The following APCDD1L variants were observed in gnomAD, a reference collection of about 807,000 sequenced individuals.
APCDD1L encodes protein APCDD1-like.
APCDD1L carries 21 observed loss-of-function variants against 24.2 expected under a neutral mutation model. The observed-to-expected ratio is 0.87, with a 90% CI of 0.61 to 1.25. The LOEUF is 1.25. Ranked by LOEUF, APCDD1L falls within the 50% of genes most tolerant of loss-of-function variation. The probability of loss-of-function intolerance (pLI) is 0.00; values close to 1 mark genes in which losing one functional copy is unlikely to be tolerated. For synonymous variants in APCDD1L, 321 were observed against 323.6 expected, an observed-to-expected ratio of 0.99 and a Z score of 0.09; for missense variants, 704 against 711.7, an observed-to-expected ratio of 0.99 and a Z score of 0.12.
intron 1 of APCDD1L, among the ~76,000 whole-genome samples, chr20:58,489,697 A>G (rs1990188683): frequency 6.6e-6 from 1 of 152,042 alleles, no homozygotes; most frequent in Non-Finnish European, 1.5e-5. Context: ...AAAAAAAAAA[A>G]AAGAAAAGAA....
chr20:58,467,255 G>A lies in APCDD1L; in HGVS notation c.592C>T (p.Leu198=). ...ALGLTMHELS[L]VRVQRRLQPQ... ...TGCAGGCGGCGCTGCACGCGGACCA[G>A]GCTGAGCTCGTGCATGGTGAGGCCC... The change falls in exon 3 of 4, where the codon CTG becomes TTG. Residue 198 remains leucine, a synonymous_variant. Coordinates refer to ENST00000371149, the MANE Select transcript of APCDD1L (RefSeq NM_153360.3). The surrounding 1 kb of genome is among the most constrained non-coding windows in gnomAD (Gnocchi z 5.9). 1 of 1,582,458 alleles carries A rather than the reference G, an allele frequency of 6.3e-7. No individual in the cohort carries two copies. Among genetic ancestry groups the A allele is most frequent in the Non-Finnish European group, 8.5e-7 (1 of 1,170,396 alleles).
intron 1 of APCDD1L, among the ~76,000 whole-genome samples, chr20:58,486,857 T>TTTTTG (rs1990126780): frequency 3.5e-5 from 4 of 114,798 alleles, no homozygotes; most frequent in Admixed American, 3.5e-4. Flanking sequence ...AGGGAAGGTT[T>TTTTTG]TTTTTTTTTT....
At chr20:58,512,550 T>A (rs2123201073) in intron 1 of APCDD1L, among the ~76,000 whole-genome samples, 1 of 152,028 alleles carries the variant, frequency 6.6e-6, no homozygotes, top group East Asian at 1.9e-4. Flanking sequence ...AGCGGCGAGG[T>A]TAAGAACCCC....
At chr20:58,463,143 C>CAA (rs398036014) in intron 3 of APCDD1L, among the ~76,000 whole-genome samples, 25,780 of 92,862 alleles carry the variant, frequency 0.28, 4,262 homozygotes, top group South Asian at 0.41. Flanking sequence ...CTCCATCTCA[C>CAA]AAAAAAAAAA....
intron 1 of APCDD1L, among the ~76,000 whole-genome samples, chr20:58,481,049 C>T (rs1044405656): frequency 6.6e-6 from 1 of 152,354 alleles, no homozygotes; most frequent in East Asian, 1.9e-4. Context: ...CCAATGCTGT[C>T]CACTGATGCC....
At chr20:58,479,900 A>G (rs1312306682) in intron 1 of APCDD1L, among the ~76,000 whole-genome samples, 1 of 152,234 alleles carries the variant, frequency 6.6e-6, no homozygotes, top group Non-Finnish European at 1.5e-5. Context: ...GTACTTTCCA[A>G]TGAAGTCACT....
At chr20:58,498,684 C>G (rs1990372295) in intron 1 of APCDD1L, among the ~76,000 whole-genome samples, 1 of 152,214 alleles carries the variant, frequency 6.6e-6, no homozygotes, top group Admixed American at 6.5e-5. Flanking sequence ...GCCACACCTC[C>G]CAGCCTGATA....
chr20:58,513,943 C>T (rs2123203569), intron 1 of APCDD1L: 2 of 1,300,836 alleles, frequency 1.5e-6, no homozygotes, highest in East Asian at 5.6e-5. Flanking sequence ...GCTGGGCACA[C>T]TTCAACTGTG....
At chr20:58,513,815 A>G in intron 1 of APCDD1L, 1 of 1,153,476 alleles carries the variant, frequency 8.7e-7, no homozygotes. Context: ...GGCCATGCTT[A>G]CCCAAAGCCA....
rs193266157 is a variant in APCDD1L, at chr20:58,508,269, G to C, written c.49+6390C>G. Among the ~76,000 whole-genome samples the C allele has an allele frequency of 6.6e-6, 1 of 152,220 alleles. No individual in the cohort carries two copies. Among genetic ancestry groups the C allele is most frequent in the African/African-American group, 2.4e-5 (1 of 41,442 alleles). On this transcript the variant is annotated intron_variant, in intron 1 of 3. Coordinates refer to ENST00000371149, the MANE Select transcript of APCDD1L (RefSeq NM_153360.3). This position sits in a 1 kb window ranked among gnomAD's most constrained non-coding sequence, Gnocchi z 4.0. ...GTGGGCTCTGAGTGACTGCTTCATG[G>C]TGGTGCTTCCAGCCCAGCAGCCACT...
At chr20:58,512,393 T>C (rs1265406066) in intron 1 of APCDD1L, among the ~76,000 whole-genome samples, 3 of 152,230 alleles carry the variant, frequency 2.0e-5, no homozygotes, top group Non-Finnish European at 2.9e-5. Flanking sequence ...CATGTGGTCA[T>C]ATCTGGAGAC....
intron 1 of APCDD1L, among the ~76,000 whole-genome samples, chr20:58,506,805 AGT>A (rs1990534866): frequency 2.6e-5 from 4 of 152,136 alleles, no homozygotes; most frequent in African/African-American, 9.7e-5. Flanking sequence ...GATGCCTCAG[AGT>A]GTGTGTGTCT....
intron 1 of APCDD1L, among the ~76,000 whole-genome samples, chr20:58,510,657 C>G (rs1358816696): frequency 6.6e-6 from 1 of 152,116 alleles, no homozygotes; most frequent in Non-Finnish European, 1.5e-5. Flanking sequence ...GCAAGCTCAC[C>G]CTACTCCAGC....
Position 58,460,628 on chromosome 20 carries a change from G to A in APCDD1L, c.*162C>T. 1 of 949,392 alleles carries A rather than the reference G, an allele frequency of 1.1e-6. No homozygotes were observed. The highest frequency in any genetic ancestry group is 1.5e-6 in the Non-Finnish European group (1 of 681,922). 58.8% of individuals were successfully genotyped at this position (949,392 alleles called of 1,614,324 possible). On this transcript the variant is annotated 3_prime_UTR_variant, in exon 4 of 4. Coordinates refer to ENST00000371149, the MANE Select transcript of APCDD1L (RefSeq NM_153360.3). The surrounding 1 kb of genome is among the most constrained non-coding windows in gnomAD (Gnocchi z 4.2). ...TAGGCTTTGCAGGGGTTAAGCTCAT[G>A]TCCTGAGCCACATGGGACACAGGCA...
rs1989586658 is a variant in APCDD1L, at chr20:58,461,024, G to A, written c.1272C>T (p.Ser424=). The A allele has an allele frequency of 6.2e-7, 1 of 1,614,000 alleles. No individual in the cohort carries two copies. The highest frequency in any genetic ancestry group is 1.3e-5 in the African/African-American group (1 of 74,896). Reference sequence around the variant, plus strand: ...TGGGCCTTTGTCCGATGAAGAGCAGGCTTTGCCCGAGGGGGTCTTGTTCCA... The same window carrying A: ...TGGGCCTTTGTCCGATGAAGAGCAGACTTTGCCCGAGGGGGTCTTGTTCCA... The part of the protein sequence containing the change: ...FKMEQDPLGQ[S]LLFIGQRPTD... The change falls in exon 4 of 4, where the codon AGC becomes AGT. Residue 424 remains serine (S), a synonymous_variant. Transcript: ENST00000371149. This position sits in a 1 kb window ranked among gnomAD's most constrained non-coding sequence, Gnocchi z 6.0.
chr20:58,487,456 G>A (rs1254239360), intron 1 of APCDD1L, among the ~76,000 whole-genome samples: 1 of 149,346 alleles, frequency 6.7e-6, no homozygotes, highest in East Asian at 1.9e-4. Flanking sequence ...AAAAAGTATA[G>A]TTTGTGGGAA....
At chr20:58,474,043 G>A (rs111855341) in intron 1 of APCDD1L, among the ~76,000 whole-genome samples, 2 of 152,316 alleles carry the variant, frequency 1.3e-5, no homozygotes, top group East Asian at 1.9e-4. Flanking sequence ...TCCGGGGAAA[G>A]GACACTCACT....
chr20:58,510,577 C>T (rs1347843648), intron 1 of APCDD1L, among the ~76,000 whole-genome samples: 1 of 152,134 alleles, frequency 6.6e-6, no homozygotes, highest in Non-Finnish European at 1.5e-5. Context: ...GGTGATCTGC[C>T]CACTTCGGCC....
rs56192014 is a variant in APCDD1L, at chr20:58,502,726, CA to C, written c.49+11932del. Among the ~76,000 whole-genome samples, 952 of 99,602 alleles carry C rather than the reference CA, an allele frequency of 9.6e-3. 2 individuals carry two copies. The highest frequency in any genetic ancestry group is 0.024 in the African/African-American group (626 of 26,632). The allele number at this position is 99,602 out of a possible 152,430, so 65.3% of individuals were successfully genotyped here. ...AGTTTGTCTTTGTATTTAAGCAGAA[CA>C]AAAAAAAAAAAAAGAAAAGAACTTT... On this transcript the variant is annotated intron_variant, in intron 1 of 3. Transcript: ENST00000371149.
Sources: allele counts gnomAD v4.1 joint callset (sites outside exome capture counted in the v4.1 genomes callset), GRCh38; gene constraint gnomAD v4.1.1; non-coding constraint Gnocchi (gnomAD v3.1); transcripts MANE v1.5; gene names NCBI Gene and HGNC (gene_info 2026-07-23, HGNC 2026-07-21).